Variants in RBFOX1 observed in about 807,000 individuals in gnomAD.
The protein encoded by RBFOX1 is RNA binding fox-1 homolog 1, also known as RNA binding protein fox-1 homolog 1.
A neutral mutation model predicts 57.7 loss-of-function variants in RBFOX1; 8 were observed. The ratio of observed to expected loss-of-function variants is 0.14; its 90% CI spans 0.08 to 0.25. The LOEUF (loss-of-function observed/expected upper bound fraction) is 0.25. Ranked by LOEUF, RBFOX1 falls within the 10% of genes least tolerant of loss-of-function variation. The probability of loss-of-function intolerance (pLI) is 1.00; values close to 1 mark genes in which losing one functional copy is unlikely to be tolerated. For missense variants in RBFOX1, 611 were observed against 548.5 expected (o/e 1.11, Z -1.14); for synonymous variants, 326 against 222.4 (o/e 1.47, Z -4.15).
At chr16:6,927,312 T>A (rs56387437) in intron 3 of RBFOX1, among the ~76,000 whole-genome samples, 27,430 of 148,222 alleles carry the variant, frequency 0.19, 3,174 homozygotes, top group African/African-American at 0.34. Context: ...ACTTGGGAGG[T>A]TGAGGCACGA....
At chr16:5,832,443 C>T (rs2056308438) in intron 3 of RBFOX1, among the ~76,000 whole-genome samples, 1 of 152,192 alleles carries the variant, frequency 6.6e-6, no homozygotes, top group Non-Finnish European at 1.5e-5. Flanking sequence ...CATCTGTGTG[C>T]CTTAGTTTCC....
chr16:7,075,027 G>A (rs1022736825), intron 4 of RBFOX1, among the ~76,000 whole-genome samples: 1 of 152,072 alleles, frequency 6.6e-6, no homozygotes, highest in African/African-American at 2.4e-5. Context: ...AGAAAAAAGG[G>A]GCAAAGGAAC....
chr16:7,510,989 G>T (rs1029194440), intron 4 of RBFOX1, among the ~76,000 whole-genome samples: 1 of 152,196 alleles, frequency 6.6e-6, no homozygotes, highest in African/African-American at 2.4e-5. Context: ...AATTCCAGAT[G>T]CAGAAAGGGA....
chr16:6,645,046 A>G (rs1178659595), intron 2 of RBFOX1, among the ~76,000 whole-genome samples: 1 of 152,178 alleles, frequency 6.6e-6, no homozygotes, highest in African/African-American at 2.4e-5. Flanking sequence ...CGGCTCTCCC[A>G]GCAAAGGTTC....
chr16:5,527,007 T>C (rs1166389732), intron 2 of RBFOX1, among the ~76,000 whole-genome samples: 3 of 152,054 alleles, frequency 2.0e-5, no homozygotes, highest in African/African-American at 7.2e-5. Flanking sequence ...GATTAATGAG[T>C]GTGAAGTGTT....
At chr16:5,471,666 C>A (rs548041832) in intron 2 of RBFOX1, among the ~76,000 whole-genome samples, 31 of 152,334 alleles carry the variant, frequency 2.0e-4, no homozygotes, top group African/African-American at 6.0e-4. Context: ...CAGGTCCTCA[C>A]TCCTGAGTGT....
chr16:6,336,891 A>G (rs1370160937), intron 2 of RBFOX1, among the ~76,000 whole-genome samples: 3 of 152,214 alleles, frequency 2.0e-5, no homozygotes, highest in Non-Finnish European at 2.9e-5. Flanking sequence ...GAGCCTAGTC[A>G]GAGTTTTATC....
At chr16:7,189,238 A>T (rs2084705887) in intron 4 of RBFOX1, among the ~76,000 whole-genome samples, 1 of 151,890 alleles carries the variant, frequency 6.6e-6, no homozygotes, top group African/African-American at 2.4e-5. Context: ...ATCCTGGCTA[A>T]CACAGTGAAA....
At chr16:7,165,890 T>G (rs950302891) in intron 4 of RBFOX1, among the ~76,000 whole-genome samples, 1 of 150,926 alleles carries the variant, frequency 6.6e-6, no homozygotes, top group Non-Finnish European at 1.5e-5. Flanking sequence ...ATAGATATGT[T>G]GGATTCTCTG....
chr16:7,504,516 T>C lies in RBFOX1; in HGVS notation c.28-13631T>C, dbSNP rs928455896. ...ATTGTTCCACCATAACTCTCACAAA[T>C]ATCACCTCTTATCTCAGCCCACAAA... On this transcript the variant is annotated intron_variant, in intron 4 of 15. Coordinates refer to ENST00000550418, the MANE Select transcript of RBFOX1 (RefSeq NM_018723.4). 1.5e-4 allele frequency among the ~76,000 whole-genome samples: 22 copies of C among 150,196 alleles called. No individual in the cohort carries two copies. The East Asian group carries it at 3.8e-3, about 26-fold the overall frequency.
intron 5 of RBFOX1, among the ~76,000 whole-genome samples, chr16:7,525,527 C>T (rs377445513): frequency 6.6e-6 from 1 of 152,132 alleles, no homozygotes; most frequent in Non-Finnish European, 1.5e-5. Flanking sequence ...CCGATTTGCA[C>T]CCTCATGGAC....
intron 2 of RBFOX1, among the ~76,000 whole-genome samples, chr16:6,381,687 G>A (rs114452385): frequency 0.032 from 4,883 of 152,212 alleles, 290 homozygotes; most frequent in African/African-American, 0.11. Flanking sequence ...CTGTCATGAC[G>A]CTGGGGACAT....
chr16:7,679,305 C>G (rs72776888), intron 14 of RBFOX1, among the ~76,000 whole-genome samples: 1 of 152,296 alleles, frequency 6.6e-6, no homozygotes, highest in Non-Finnish European at 1.5e-5. Context: ...TATAATTTCT[C>G]TCAGAAGTAG....
intron 1 of RBFOX1, among the ~76,000 whole-genome samples, chr16:6,174,538 T>G (rs1330894827): frequency 6.6e-6 from 1 of 152,148 alleles, no homozygotes; most frequent in Non-Finnish European, 1.5e-5. Flanking sequence ...GAGGCTTCAG[T>G]GAGCTGTGAT....
chr16:7,264,179 C>G (rs542966311), intron 4 of RBFOX1, among the ~76,000 whole-genome samples: 1 of 152,064 alleles, frequency 6.6e-6, no homozygotes, highest in African/African-American at 2.4e-5. Context: ...GACTCCAGAC[C>G]TCAAGCACTT....
At chr16:5,720,329 A>T (rs975051535) in intron 3 of RBFOX1, among the ~76,000 whole-genome samples, 8 of 152,198 alleles carry the variant, frequency 5.3e-5, no homozygotes, top group African/African-American at 1.9e-4. Context: ...CTAGTCCTTG[A>T]TGAAATGTGT....
At chr16:5,680,069 T>C (rs955475804) in intron 3 of RBFOX1, among the ~76,000 whole-genome samples, 22 of 152,298 alleles carry the variant, frequency 1.4e-4, no homozygotes, top group African/African-American at 5.3e-4. Flanking sequence ...CTCGATTGAT[T>C]TAATGGACAG....
intron 2 of RBFOX1, among the ~76,000 whole-genome samples, chr16:5,507,145 G>A (rs559639899): frequency 6.6e-5 from 10 of 152,178 alleles, no homozygotes; most frequent in Admixed American, 2.6e-4. Flanking sequence ...CTTGGGTTGT[G>A]GTCAGGATGA....
chr16:6,012,804 G>C (rs930284816), intron 4 of RBFOX1, among the ~76,000 whole-genome samples: 1 of 152,082 alleles, frequency 6.6e-6, no homozygotes, highest in African/African-American at 2.4e-5. Context: ...CTGTAGGGGG[G>C]TCCAGAGGTC....
Sources: gnomAD v4.1 joint callset for allele counts (sites outside exome capture counted in the v4.1 genomes callset) on GRCh38, gnomAD v4.1.1 for gene constraint, MANE v1.5 for transcripts, NCBI Gene and HGNC (gene_info 2026-07-23, HGNC 2026-07-21) for gene names.